The following EMC3 variants were observed in gnomAD, a reference collection of about 807,000 sequenced individuals.
EMC3 encodes 30 kDa protein.
In EMC3, 13 loss-of-function variants were observed where a neutral mutation model predicts 36.6. The observed-to-expected ratio is 0.35, with a 90% CI of 0.23 to 0.56. The LOEUF (loss-of-function observed/expected upper bound fraction) is 0.56, where lower values mean the gene tolerates loss of function less well. Among genes scored for constraint, EMC3 ranks in the 20% least tolerant of loss-of-function variants. The pLI is 0.84. For synonymous variants in EMC3, 120 were observed against 111.9 expected (o/e 1.07, Z -0.46); for missense variants, 220 against 324.5 (o/e 0.68, Z 2.47).
rs7624814 is a variant in EMC3, at chr3:9,963,835, G to A, written c.*234C>T. On this transcript the variant is annotated 3_prime_UTR_variant, in exon 8 of 8. Coordinates refer to ENST00000245046, the MANE Select transcript of EMC3 (RefSeq NM_001394674.1). ...CCCCTTTCTCTGACTTTCATTACTAGAGTCACCAGAAGGAACATTTACAAC... is the reference window on the plus strand; with the variant it reads ...CCCCTTTCTCTGACTTTCATTACTAAAGTCACCAGAAGGAACATTTACAAC... 6.2e-6 allele frequency: 3 copies of A among 481,116 alleles called. No homozygotes were observed. The East Asian group carries it at 1.3e-4, about 22-fold the overall frequency. 29.8% of individuals were successfully genotyped at this position (481,116 alleles called of 1,614,324 possible). A position where few individuals can be genotyped will look rare whatever the true frequency, so the allele number is the denominator to read the frequency against.
upstream of EMC3, among the ~76,000 whole-genome samples, chr3:9,990,833 TA>T (rs202163249): frequency 0.032 from 4,801 of 148,640 alleles, 273 homozygotes; most frequent in African/African-American, 0.11. Flanking sequence ...TTTATTTATT[TA>T]TTTATTTATT....
At chr3:9,987,379 C>T (rs1253403814), upstream of EMC3, 10 of 857,812 alleles carry the variant, frequency 1.2e-5, no homozygotes, top group African/African-American at 1.8e-5. Context: ...CCCCAAGCCT[C>T]GGCTTCCTCA....
chr3:9,965,184 A>C (rs955522861), intron 7 of EMC3, among the ~76,000 whole-genome samples: 3 of 151,640 alleles, frequency 2.0e-5, no homozygotes, highest in Non-Finnish European at 4.4e-5. Flanking sequence ...AGGCAGGAGG[A>C]TCACTTGAGG....
intron 3 of EMC3, among the ~76,000 whole-genome samples, chr3:9,975,336 A>G (rs896335852): frequency 6.6e-5 from 10 of 152,188 alleles, no homozygotes; most frequent in Non-Finnish European, 1.5e-4. Context: ...AGAATTTCTT[A>G]GAATTTCTAG....
chr3:9,998,308 G>A (rs1297898377), intron 1 of EMC3, among the ~76,000 whole-genome samples: 4 of 150,848 alleles, frequency 2.7e-5, no homozygotes, highest in African/African-American at 9.7e-5. Context: ...AGAGCTTGCA[G>A]TGAGCCGAGA....
At chr3:9,964,999 A>G (rs527911400) in intron 7 of EMC3, among the ~76,000 whole-genome samples, 50 of 152,022 alleles carry the variant, frequency 3.3e-4, no homozygotes, top group African/African-American at 1.1e-3. Context: ...GCTACTCTGG[A>G]GGCTGAGGCT....
intron 1 of EMC3, chr3:9,978,158 A>AAAAAG (rs2085870090): frequency 7.9e-6 from 1 of 126,730 alleles, no homozygotes; most frequent in Non-Finnish European, 1.5e-5. Flanking sequence ...AAAAAAAAAA[A>AAAAAG]AAAAAAAAAA....
rs1012312880 is a variant in EMC3 at position 10,008,580 on chromosome 3, G to T, written c.-242+2443C>A. The T allele has an allele frequency of 4.3e-5, 29 of 672,648 alleles. 2 individuals carry two copies. The highest frequency in any genetic ancestry group is 4.1e-4 in the South Asian group (27 of 66,420). 41.7% of individuals were successfully genotyped at this position (672,648 alleles called of 1,614,324 possible). A position where few individuals can be genotyped will look rare whatever the true frequency, so the allele number is the denominator to read the frequency against. ...CAGAGAGCAGGGTCAGATAGTGGGG[G>T]GTGGGTTCAGCTCCACTGTCCAGGT... On this transcript the variant is annotated intron_variant, in intron 1 of 8. Coordinates refer to the EMC3 transcript ENST00000470827.
chr3:9,990,325 C>T (rs926719321), upstream of EMC3, among the ~76,000 whole-genome samples: 12 of 88,686 alleles, frequency 1.4e-4, no homozygotes, highest in South Asian at 4.0e-4. Flanking sequence ...GGGCCTTTCT[C>T]TTTTTTTTTT....
chr3:9,980,994 G>A (rs1414594299), intron 1 of EMC3, among the ~76,000 whole-genome samples: 4 of 151,998 alleles, frequency 2.6e-5, no homozygotes. Flanking sequence ...CTGGAGCCCT[G>A]GAGTTCAAGA....
At chr3:9,994,056 T>C in intron 1 of EMC3, 1 of 1,191,274 alleles carries the variant, frequency 8.4e-7, no homozygotes, top group Non-Finnish European at 1.2e-6. Flanking sequence ...AAAACAAAGA[T>C]TAAGATTTCT....
chr3:9,988,111 T>A, upstream of EMC3: 1 of 553,130 alleles, frequency 1.8e-6, no homozygotes. Flanking sequence ...CAACTACAAA[T>A]AATGGTACTA....
chr3:10,008,764 T>C, intron 1 of EMC3: 3 of 284,070 alleles, frequency 1.1e-5, no homozygotes, highest in South Asian at 6.0e-5. Flanking sequence ...GGTTCTGAAG[T>C]CATCCTGTTT....
chr3:10,002,439 C>T (rs1432341953), intron 1 of EMC3, among the ~76,000 whole-genome samples: 1 of 152,102 alleles, frequency 6.6e-6, no homozygotes, highest in Non-Finnish European at 1.5e-5. Flanking sequence ...CAGGCATGCA[C>T]TGCAGCTGGC....
At chr3:9,966,428 G>T (rs1360492781) in intron 7 of EMC3, among the ~76,000 whole-genome samples, 1 of 151,948 alleles carries the variant, frequency 6.6e-6, no homozygotes, top group African/African-American at 2.4e-5. Context: ...TCACCATGTT[G>T]ACCAAGCTGA....
upstream of EMC3, chr3:9,987,348 GTTC>G: frequency 1.0e-6 from 1 of 979,772 alleles, no homozygotes; most frequent in Non-Finnish European, 1.2e-6. Flanking sequence ...CGCGGTCGGC[GTTC>G]TTCTCTGGGG....
chr3:10,004,284 T>C (rs1211468992), intron 1 of EMC3: 1 of 152,214 alleles, frequency 6.6e-6, no homozygotes, highest in Middle Eastern at 3.2e-3. Flanking sequence ...GGGTGAACAG[T>C]GGTCAGGAGT....
rs1553604624 is a variant in EMC3, at chr3:10,002,277, T to TTTTTATTTTA, written c.-242+8736_-242+8745dup. On this transcript the variant is annotated intron_variant, in intron 1 of 8. Coordinates refer to the EMC3 transcript ENST00000470827. ...CTTTAATTTTTTTCAGCAGTTTCTT[T>TTTTTATTTTA]TTTTATTTTATTTTATTTTATTTTA... 6.1e-5 allele frequency among the ~76,000 whole-genome samples: 9 copies of TTTTTATTTTA among 148,146 alleles called. 1 individual carries two copies. The East Asian group carries it at 9.7e-4, about 16-fold the overall frequency.
upstream of EMC3, chr3:9,987,171 T>G (rs1405840606): frequency 2.8e-5 from 25 of 884,236 alleles, no homozygotes; most frequent in South Asian, 4.1e-4. Flanking sequence ...CCGAGATTGC[T>G]GCACTGCACT....
Sources: allele counts gnomAD v4.1 joint callset (sites outside exome capture counted in the v4.1 genomes callset), GRCh38; gene constraint gnomAD v4.1.1; transcripts MANE v1.5; gene names NCBI Gene and HGNC (gene_info 2026-07-23, HGNC 2026-07-21).